The following ANKRD30BL variants were observed in gnomAD, a reference collection of about 807,000 sequenced individuals.
The protein encoded by ANKRD30BL is ankyrin repeat domain 30B like.
Under a neutral mutation model 18.4 loss-of-function variants are expected in ANKRD30BL, and 20 were observed. That is an observed-to-expected ratio of 1.09 (90% confidence interval 0.77 to 1.58). The LOEUF (loss-of-function observed/expected upper bound fraction) is 1.58, where lower values mean the gene tolerates loss of function less well. Among genes scored for constraint, ANKRD30BL ranks in the 40% most tolerant of loss-of-function variants. ANKRD30BL has a pLI of 0.00. For synonymous variants in ANKRD30BL, 72 were observed against 100.9 expected (o/e 0.71, Z 1.72); for missense variants, 224 against 268.6 (o/e 0.83, Z 1.16).
intron 1 of ANKRD30BL, among the ~76,000 whole-genome samples, chr2:132,234,518 T>C (rs201331515): frequency 7.9e-5 from 12 of 151,754 alleles, no homozygotes; most frequent in Admixed American, 6.6e-4. Flanking sequence ...ACCACCGATC[T>C]CACAGAAATA....
chr2:132,177,307 C>A (rs2104945036), intron 1 of ANKRD30BL, among the ~76,000 whole-genome samples: 1 of 152,242 alleles, frequency 6.6e-6, no homozygotes, highest in South Asian at 2.1e-4. Flanking sequence ...GTGTGCACCA[C>A]CATGCCCAGC....
intron 1 of ANKRD30BL, among the ~76,000 whole-genome samples, chr2:132,237,721 T>C (rs111864213): frequency 7.9e-5 from 12 of 152,134 alleles, no homozygotes; most frequent in African/African-American, 2.9e-4. Flanking sequence ...TTTGAAACAC[T>C]CTTTTTGTAG....
intron 1 of ANKRD30BL, among the ~76,000 whole-genome samples, chr2:132,182,122 T>A (rs147746170): frequency 6.9e-6 from 1 of 144,642 alleles, no homozygotes. Context: ...TCAAAAAAAA[T>A]AAAAAATAAA....
rs1017948030 is a variant in ANKRD30BL at position 132,222,342 on chromosome 2, C to T, written n.441+35187G>A. Among the ~76,000 whole-genome samples the T allele has an allele frequency of 2.2e-4, 33 of 152,092 alleles. No individual in the cohort carries two copies. The South Asian group carries it at 5.6e-3, about 26-fold the overall frequency. On this transcript the variant is annotated intron_variant and non_coding_transcript_variant, in intron 1 of 4. Transcript: ENST00000470729. ...GACCCCGTCTGGGAGGTGTGCCCAG[C>T]GGCTCACTGGGGATGGGCCATGATG...
At chr2:132,155,013 C>T (rs946989564) in intron 3 of ANKRD30BL, 3 of 315,054 alleles carry the variant, frequency 9.5e-6, no homozygotes, top group Non-Finnish European at 1.8e-5. Context: ...TTATTGTTTC[C>T]CATGTAAACC....
intron 1 of ANKRD30BL, among the ~76,000 whole-genome samples, chr2:132,201,951 A>T (rs998747149): frequency 2.6e-5 from 4 of 152,266 alleles, no homozygotes; most frequent in Non-Finnish European, 4.4e-5. Context: ...ACCACGGAAT[A>T]CTATGCAGCC....
chr2:132,236,830 G>A (rs1428324759), intron 1 of ANKRD30BL, among the ~76,000 whole-genome samples: 1 of 151,734 alleles, frequency 6.6e-6, no homozygotes, highest in East Asian at 1.9e-4. Context: ...GCACACGTAT[G>A]TTTATTGTGG....
chr2:132,224,529 C>T (rs918641233), intron 1 of ANKRD30BL, among the ~76,000 whole-genome samples: 3 of 151,856 alleles, frequency 2.0e-5, no homozygotes. Flanking sequence ...TGTGTGCATT[C>T]AACTCACAGA....
chr2:132,174,624 G>T (rs1016860554), intron 1 of ANKRD30BL, among the ~76,000 whole-genome samples: 3 of 152,172 alleles, frequency 2.0e-5, no homozygotes, highest in Non-Finnish European at 2.9e-5. Flanking sequence ...TAAAGTAAGG[G>T]CTACAAGAGG....
At chr2:132,239,570 C>T (rs1024115419) in intron 1 of ANKRD30BL, among the ~76,000 whole-genome samples, 6 of 151,278 alleles carry the variant, frequency 4.0e-5, no homozygotes, top group African/African-American at 1.5e-4. Flanking sequence ...TTTTGATACA[C>T]CCTTTTTGTT....
At chr2:132,243,201 C>G (rs888795834) in intron 1 of ANKRD30BL, among the ~76,000 whole-genome samples, 7 of 150,682 alleles carry the variant, frequency 4.6e-5, no homozygotes, top group African/African-American at 1.7e-4. Context: ...ATTTGAGATC[C>G]TTGGTGGAAA....
At chr2:132,210,922 T>G (rs1573845567) in intron 1 of ANKRD30BL, among the ~76,000 whole-genome samples, 1 of 151,930 alleles carries the variant, frequency 6.6e-6, no homozygotes, top group Non-Finnish European at 1.5e-5. Flanking sequence ...AGAAACTTCT[T>G]TGTGATGTGT....
intron 1 of ANKRD30BL, among the ~76,000 whole-genome samples, chr2:132,187,180 TTTTG>T (rs1558924470): frequency 8.7e-4 from 122 of 140,768 alleles, no homozygotes; most frequent in Non-Finnish European, 1.4e-3. Flanking sequence ...TTGTTTTTTT[TTTTG>T]TTTGTTTTTT....
chr2:132,170,246 T>C (rs1319918292), intron 1 of ANKRD30BL, among the ~76,000 whole-genome samples: 5 of 152,178 alleles, frequency 3.3e-5, no homozygotes, highest in African/African-American at 4.8e-5. Context: ...GCTACATTCT[T>C]GTCACACAGC....
At chr2:132,188,265 ACT>A (rs1678747149) in intron 1 of ANKRD30BL, among the ~76,000 whole-genome samples, 1 of 152,216 alleles carries the variant, frequency 6.6e-6, no homozygotes, top group East Asian at 1.9e-4. Flanking sequence ...TGATTATGCT[ACT>A]AAAAATCCGA....
chr2:132,198,410 G>A (rs1266986905), intron 1 of ANKRD30BL, among the ~76,000 whole-genome samples: 4 of 143,280 alleles, frequency 2.8e-5, no homozygotes, highest in Admixed American at 2.2e-4. Flanking sequence ...TGCAAGCTCT[G>A]CCTCCCGGGT....
At chr2:132,211,700 G>T (rs1269434321) in intron 1 of ANKRD30BL, among the ~76,000 whole-genome samples, 3 of 149,492 alleles carry the variant, frequency 2.0e-5, no homozygotes, top group Non-Finnish European at 4.5e-5. Context: ...GTGGACATTT[G>T]GAGCTCTTTG....
At chr2:132,230,858 G>A (rs200507142) in intron 1 of ANKRD30BL, among the ~76,000 whole-genome samples, 25 of 151,834 alleles carry the variant, frequency 1.6e-4, no homozygotes, top group Admixed American at 5.9e-4. Flanking sequence ...AAACTTCTTC[G>A]TGATGTGTGC....
At chr2:132,235,947 A>G (rs200558638) in intron 1 of ANKRD30BL, among the ~76,000 whole-genome samples, 4 of 152,064 alleles carry the variant, frequency 2.6e-5, no homozygotes, top group East Asian at 3.9e-4. Flanking sequence ...TATACTGCAA[A>G]GCTACAGTAA....
Sources: allele counts gnomAD v4.1 joint callset (sites outside exome capture counted in the v4.1 genomes callset), GRCh38; gene constraint gnomAD v4.1.1; transcripts MANE v1.5; gene names NCBI Gene and HGNC (gene_info 2026-07-23, HGNC 2026-07-21).